Variants in PPP1R12B observed in about 807,000 individuals in gnomAD.
The protein encoded by PPP1R12B is myosin phosphatase target subunit 2.
In PPP1R12B, 76 loss-of-function variants were observed where a neutral mutation model predicts 126.1. The ratio of observed to expected loss-of-function variants is 0.60; its 90% CI spans 0.50 to 0.73. PPP1R12B has a LOEUF of 0.73. Among genes scored for constraint, PPP1R12B ranks in the 30% least tolerant of loss-of-function variants. PPP1R12B has a pLI of 0.00. For missense variants in PPP1R12B, 1,052 were observed against 1,205.1 expected (o/e 0.87, Z 1.88); for synonymous variants, 356 against 434.7 (o/e 0.82, Z 2.25).
At chr1:202,394,060 C>T (rs1479417773) in intron 1 of PPP1R12B, among the ~76,000 whole-genome samples, 2 of 151,888 alleles carry the variant, frequency 1.3e-5, no homozygotes, top group Non-Finnish European at 2.9e-5. Flanking sequence ...GGAAGATGGC[C>T]GGGTGTGGTG....
intron 18 of PPP1R12B, among the ~76,000 whole-genome samples, chr1:202,503,329 A>G (rs1572307791): frequency 6.6e-6 from 1 of 152,330 alleles, no homozygotes; most frequent in South Asian, 2.1e-4. Context: ...ATTAATTGAG[A>G]TGGAGAATAC....
rs893144374 is a variant in PPP1R12B at position 202,471,883 on chromosome 1, A to G, written c.1851-16650A>G. The stretch of plus-strand genomic sequence containing the variant: ...TGCTTTTAGTGCTGCTTCCTCCTGA[A>G]GGAACATCCTTCTGTAAGCCTTGCT... On this transcript the variant is annotated intron_variant, in intron 13 of 23. Coordinates refer to ENST00000608999, the MANE Select transcript of PPP1R12B (RefSeq NM_002481.4). 1.4e-5 allele frequency: 22 copies of G among 1,579,550 alleles called. No homozygotes were observed. The African/African-American group carries it at 2.6e-4, about 18-fold the overall frequency.
chr1:202,471,128 A>G (rs1446189587), intron 13 of PPP1R12B, among the ~76,000 whole-genome samples: 1 of 152,162 alleles, frequency 6.6e-6, no homozygotes, highest in East Asian at 1.9e-4. Context: ...TCAAATTTTT[A>G]TCACTATTAT....
intron 18 of PPP1R12B, chr1:202,540,121 A>G (rs573247988): frequency 2.3e-5 from 36 of 1,598,522 alleles, no homozygotes; most frequent in Admixed American, 6.8e-5. Context: ...TTGAGTGTCT[A>G]TCTGCATCCT....
intron 22 of PPP1R12B, among the ~76,000 whole-genome samples, chr1:202,568,519 C>A (rs1321584435): frequency 6.6e-6 from 1 of 152,194 alleles, no homozygotes; most frequent in East Asian, 1.9e-4. Flanking sequence ...CTAAGTTTTA[C>A]ATTTTATTCC....
At chr1:202,425,852 G>A in intron 4 of PPP1R12B, 127 bp downstream of exon 4, 2 of 863,212 alleles carry the variant, frequency 2.3e-6, no homozygotes, top group Admixed American at 2.6e-5. Context: ...CTCTCTGATT[G>A]TGCAGTCTTT....
At chr1:202,567,267 A>C (rs564090460) in intron 21 of PPP1R12B, among the ~76,000 whole-genome samples, 2 of 152,380 alleles carry the variant, frequency 1.3e-5, no homozygotes, top group East Asian at 3.9e-4. Flanking sequence ...CTCTAAAAGA[A>C]AAATGGTATC....
intron 18 of PPP1R12B, among the ~76,000 whole-genome samples, chr1:202,547,040 A>G (rs200729436): frequency 1.8e-5 from 1 of 56,774 alleles, no homozygotes; most frequent in Non-Finnish European, 5.4e-5. Context: ...TCAGTTCTCA[A>G]AGGATTCAGA....
intron 23 of PPP1R12B, 75 bp from the exon 24 acceptor site, chr1:202,580,399 G>A: frequency 8.8e-7 from 1 of 1,133,224 alleles, no homozygotes; most frequent in East Asian, 2.4e-5. Context: ...TCACCAGGCT[G>A]GCCTGGCCTG....
At chr1:202,561,975 G>A (rs1233408157) in intron 19 of PPP1R12B, among the ~76,000 whole-genome samples, 1 of 152,210 alleles carries the variant, frequency 6.6e-6, no homozygotes, top group Non-Finnish European at 1.5e-5. Context: ...CTGCAGGGCT[G>A]ATTTCAGTTT....
At position 202,582,810 on chromosome 1, in the gene PPP1R12B, G is replaced by A. The variant is rs4950857; in HGVS notation, c.*2250G>A. On this transcript the variant is annotated 3_prime_UTR_variant, in exon 24 of 24. Transcript: ENST00000608999. ...TGAGGCAGGAGAATGGCGTGAACCC[G>A]GGAGGCGGAGCTTGCAGTGAGCCTT... The A allele has an allele frequency of 0.51, 77,579 of 151,954 alleles. 22,170 individuals are homozygous for A. The highest frequency in any genetic ancestry group is 0.68 in the East Asian group (3,540 of 5,178). The allele number at this position is 151,954 out of a possible 1,614,324, so 9.4% of individuals were successfully genotyped here. A position where few individuals can be genotyped will look rare whatever the true frequency, so the allele number is the denominator to read the frequency against.
intron 13 of PPP1R12B, among the ~76,000 whole-genome samples, chr1:202,469,446 A>G (rs781395642): frequency 7.9e-5 from 12 of 152,216 alleles, no homozygotes; most frequent in Non-Finnish European, 1.2e-4. Context: ...ACTCTGTGAC[A>G]TGAGTTTACC....
intron 3 of PPP1R12B, 106 bp from the exon 4 acceptor site, chr1:202,425,460 G>T: frequency 8.1e-7 from 1 of 1,241,434 alleles, no homozygotes; most frequent in African/African-American, 1.5e-5. Context: ...TGGCTAAATT[G>T]TTATTTGTAT....
At chr1:202,563,308 G>A (rs1008554275) in intron 20 of PPP1R12B, among the ~76,000 whole-genome samples, 5 of 152,002 alleles carry the variant, frequency 3.3e-5, no homozygotes, top group African/African-American at 1.2e-4. Context: ...ATGGAGATTG[G>A]ATCTCACTAT....
intron 10 of PPP1R12B, 102 bp downstream of exon 10, chr1:202,438,126 A>G (rs1182865675): frequency 1.3e-6 from 2 of 1,576,224 alleles, no homozygotes; most frequent in African/African-American, 2.7e-5. Context: ...CCTTAAGTTG[A>G]TTTTGGAAAT....
chr1:202,439,147 G>T, intron 10 of PPP1R12B: 1 of 1,580,916 alleles, frequency 6.3e-7, no homozygotes, highest in Admixed American at 1.7e-5. Flanking sequence ...AGTTGAAGGT[G>T]AAGTGTCTGA....
chr1:202,440,301 A>C (rs1246996470), intron 10 of PPP1R12B, among the ~76,000 whole-genome samples: 2 of 152,166 alleles, frequency 1.3e-5, no homozygotes, highest in African/African-American at 4.8e-5. Context: ...CATATTCCTA[A>C]GGAAGCTGTA....
intron 19 of PPP1R12B, 153 bp from the exon 20 acceptor site, chr1:202,562,625 G>T: frequency 1.1e-6 from 1 of 909,850 alleles, no homozygotes; most frequent in East Asian, 2.5e-5. Context: ...GGGAACGCTG[G>T]CAGAGAGATT....
rs1671315970 is a variant in PPP1R12B, at chr1:202,439,461, T to C, written c.1459-1245T>C. On this transcript the variant is annotated intron_variant, in intron 10 of 23. Coordinates refer to ENST00000608999, the MANE Select transcript of PPP1R12B (RefSeq NM_002481.4). ...CGACCCCAGCTGGCTGCCCGCCAAG[T>C]GCCCCGGCAAGGGTGCCTGGTCCAG... The C allele has an allele frequency of 1.4e-5, 20 of 1,427,828 alleles. No homozygotes were observed. In the Admixed American group the frequency reaches 3.6e-4, roughly 26 times the overall value. 88.4% of individuals were successfully genotyped at this position (1,427,828 alleles called of 1,614,324 possible).
Sources: gnomAD v4.1 joint callset for allele counts (sites outside exome capture counted in the v4.1 genomes callset) on GRCh38, gnomAD v4.1.1 for gene constraint, MANE v1.5 for transcripts, NCBI Gene and HGNC (gene_info 2026-07-23, HGNC 2026-07-21) for gene names.